The following ANKRD44 variants were observed in gnomAD, a reference collection of about 807,000 sequenced individuals.
ANKRD44 encodes serine/threonine-protein phosphatase 6 regulatory ankyrin repeat subunit B.
A neutral mutation model predicts 116.0 loss-of-function variants in ANKRD44; 35 were observed. The ratio of observed to expected loss-of-function variants is 0.30; its 90% CI spans 0.23 to 0.40. ANKRD44 has a LOEUF of 0.40. Among genes scored for constraint, ANKRD44 ranks in the 10% least tolerant of loss-of-function variants. ANKRD44 has a pLI of 1.00. For synonymous variants in ANKRD44, 435 were observed against 461.8 expected, an observed-to-expected ratio of 0.94 and a Z score of 0.74; for missense variants, 1,014 against 1,242.6, an observed-to-expected ratio of 0.82 and a Z score of 2.77.
At chr2:197,087,421 T>C (rs1041688899) in intron 12 of ANKRD44, among the ~76,000 whole-genome samples, 2 of 152,194 alleles carry the variant, frequency 1.3e-5, no homozygotes, top group Non-Finnish European at 2.9e-5. Context: ...TGTAGCTAAA[T>C]AGTAATTCTA....
At chr2:197,267,250 T>C (rs1365066095) in intron 1 of ANKRD44, among the ~76,000 whole-genome samples, 1 of 152,250 alleles carries the variant, frequency 6.6e-6, no homozygotes, top group Non-Finnish European at 1.5e-5. Flanking sequence ...TCAAGGATGC[T>C]CTCAGTGTCT....
At chr2:196,974,938 G>A (rs2075746691) in intron 21 of ANKRD44, among the ~76,000 whole-genome samples, 1 of 150,650 alleles carries the variant, frequency 6.6e-6, no homozygotes, top group African/African-American at 2.4e-5. Flanking sequence ...CCCAAAGTAA[G>A]CAGAAGAAAT....
chr2:197,135,983 GC>G (rs1417369218), intron 4 of ANKRD44: 3 of 153,312 alleles, frequency 2.0e-5, no homozygotes, highest in African/African-American at 7.2e-5. Context: ...TTCACATGCT[GC>G]CACCACAAAG....
In ANKRD44 at chr2:197,203,336, G is replaced by C. The variant is rs1344370527; in HGVS notation, c.28-16230C>G. On this transcript the variant is annotated intron_variant, in intron 1 of 27. Coordinates refer to ENST00000282272, the MANE Select transcript of ANKRD44 (RefSeq NM_001195144.2). The surrounding 1 kb of genome is among the most constrained non-coding windows in gnomAD (Gnocchi z 4.1). ...GCACATGAAAAGATGCTTAACATCAGTCTTTAGAGAATATAAATCTCTAAG... is the reference window on the plus strand; with the variant it reads ...GCACATGAAAAGATGCTTAACATCACTCTTTAGAGAATATAAATCTCTAAG... Among the ~76,000 whole-genome samples, 1 of 152,144 alleles carries C rather than the reference G, an allele frequency of 6.6e-6. No individual in the cohort carries two copies. The highest frequency in any genetic ancestry group is 1.5e-5 in the Non-Finnish European group (1 of 68,030).
intron 16 of ANKRD44, among the ~76,000 whole-genome samples, chr2:197,053,772 T>C (rs1000740128): frequency 6.6e-6 from 1 of 152,342 alleles, no homozygotes; most frequent in Admixed American, 6.5e-5. Flanking sequence ...CCGGAGCCAC[T>C]GTGCCTGGCC....
intron 1 of ANKRD44, among the ~76,000 whole-genome samples, chr2:197,221,283 AT>A (rs201853472): frequency 1.9e-4 from 29 of 149,176 alleles, no homozygotes; most frequent in South Asian, 1.9e-3. Flanking sequence ...AGATAAGGTA[AT>A]TTTTTTTTTC....
chr2:197,171,530 C>T (rs1404571075), intron 2 of ANKRD44, among the ~76,000 whole-genome samples: 2 of 152,040 alleles, frequency 1.3e-5, no homozygotes, highest in Non-Finnish European at 2.9e-5. Context: ...TTCAGTGAAA[C>T]AGGAGAAGGA....
intron 4 of ANKRD44, among the ~76,000 whole-genome samples, chr2:197,126,855 AC>A (rs869257287): frequency 3.1e-5 from 1 of 32,586 alleles, no homozygotes; most frequent in East Asian, 0.036. Context: ...GGTGTTGTGG[AC>A]CTCTCTAAAT....
chr2:196,984,184 T>C (rs1461829217), downstream of ANKRD44, among the ~76,000 whole-genome samples: 1 of 152,088 alleles, frequency 6.6e-6, no homozygotes, highest in Non-Finnish European at 1.5e-5. Context: ...AGGTGAGCAG[T>C]GGGGTAGAGG....
At chr2:197,118,980 T>C (rs967555175) in intron 8 of ANKRD44, among the ~76,000 whole-genome samples, 4 of 152,324 alleles carry the variant, frequency 2.6e-5, no homozygotes, top group Admixed American at 6.5e-5. Flanking sequence ...TTATTCTCTC[T>C]TGTGATCTGA....
chr2:196,998,813 G>A lies in ANKRD44; in HGVS notation c.2665+94C>T, dbSNP rs371627399. On this transcript the variant is annotated intron_variant, in intron 24 of 27. Coordinates refer to ENST00000282272, the MANE Select transcript of ANKRD44 (RefSeq NM_001195144.2). ...AAAACTGCTAATGGCCCTTTTCCAC[G>A]TGTATATACTATGAGAACAACTGAT... 1.5e-4 allele frequency: 229 copies of A among 1,520,814 alleles called. 1 individual carries two copies. Among genetic ancestry groups the A allele is most frequent in the Non-Finnish European group, 1.9e-4 (209 of 1,128,938 alleles). 94.2% of individuals were successfully genotyped at this position (1,520,814 alleles called of 1,614,324 possible). A position where few individuals can be genotyped will look rare whatever the true frequency, so the allele number is the denominator to read the frequency against.
intron 2 of ANKRD44, among the ~76,000 whole-genome samples, chr2:197,167,668 T>C (rs1397473261): frequency 1.3e-5 from 2 of 152,244 alleles, no homozygotes; most frequent in African/African-American, 4.8e-5. Context: ...CATTCTTCTA[T>C]GTCTTAATTT....
intron 1 of ANKRD44, 45 bp downstream of exon 1, chr2:197,310,533 G>T (rs1242272519): frequency 3.8e-6 from 4 of 1,046,466 alleles, no homozygotes; most frequent in Non-Finnish European, 3.4e-6. Flanking sequence ...GCTCCGCGCC[G>T]CCCCGCGCCC....
intron 1 of ANKRD44, among the ~76,000 whole-genome samples, chr2:197,252,911 C>T (rs1574367127): frequency 2.0e-5 from 3 of 152,204 alleles, no homozygotes; most frequent in East Asian, 3.9e-4. Flanking sequence ...AGGCCAGAAA[C>T]AAATATTTTT....
intron 9 of ANKRD44, among the ~76,000 whole-genome samples, chr2:197,105,797 G>T (rs1472483236): frequency 6.6e-6 from 1 of 152,190 alleles, no homozygotes; most frequent in Non-Finnish European, 1.5e-5. Context: ...AGATACCTCA[G>T]AGCAATCCAG....
At chr2:197,116,381 C>T (rs1479351120) in intron 8 of ANKRD44, among the ~76,000 whole-genome samples, 2 of 152,150 alleles carry the variant, frequency 1.3e-5, no homozygotes, top group African/African-American at 4.8e-5. Flanking sequence ...CTTCAGATAC[C>T]AGGATGGCAA....
intron 17 of ANKRD44, among the ~76,000 whole-genome samples, chr2:197,019,234 C>G (rs2076449679): frequency 6.6e-6 from 1 of 152,184 alleles, no homozygotes; most frequent in Non-Finnish European, 1.5e-5. Flanking sequence ...GACTCTTGCT[C>G]TTCTACTACA....
intron 24 of ANKRD44, 89 bp downstream of exon 24, chr2:196,998,818 T>C (rs1388861449): frequency 1.3e-6 from 2 of 1,553,090 alleles, no homozygotes; most frequent in Admixed American, 1.9e-5. Flanking sequence ...TCCACGTGTA[T>C]ATACTATGAG....
intron 2 of ANKRD44, among the ~76,000 whole-genome samples, chr2:197,175,495 G>A (rs1038776659): frequency 6.6e-6 from 1 of 152,172 alleles, no homozygotes; most frequent in African/African-American, 2.4e-5. Context: ...AGATGCTGGA[G>A]GGAAAAACAC....
Sources: gnomAD v4.1 joint callset for allele counts (sites outside exome capture counted in the v4.1 genomes callset) on GRCh38, gnomAD v4.1.1 for gene constraint, Gnocchi (gnomAD v3.1) non-coding constraint, MANE v1.5 for transcripts, NCBI Gene and HGNC (gene_info 2026-07-23, HGNC 2026-07-21) for gene names.